GMDS: variants seen among roughly 807,000 people sequenced by gnomAD.
GMDS encodes the protein GDP-mannose 4,6 dehydratase.
A neutral mutation model predicts 49.9 loss-of-function variants in GMDS; 20 were observed. That is an observed-to-expected ratio of 0.40 (90% CI 0.28 to 0.58). The LOEUF is 0.58. Among genes scored for constraint, GMDS ranks in the 20% least tolerant of loss-of-function variants. The probability of loss-of-function intolerance (pLI) is 0.42; values close to 1 mark genes in which losing one functional copy is unlikely to be tolerated. For missense variants in GMDS, 362 were observed against 481.4 expected, an observed-to-expected ratio of 0.75 and a Z score of 2.32; for synonymous variants, 177 against 178.6, an observed-to-expected ratio of 0.99 and a Z score of 0.07.
chr6:1,701,799 G>A (rs1026812676), intron 9 of GMDS, among the ~76,000 whole-genome samples: 1 of 151,930 alleles, frequency 6.6e-6, no homozygotes, highest in African/African-American at 2.4e-5. Flanking sequence ...GCCTATTTCT[G>A]TAAGTTTAAA....
intron 4 of GMDS, among the ~76,000 whole-genome samples, chr6:2,002,002 C>G (rs1303334340): frequency 6.6e-6 from 1 of 152,126 alleles, no homozygotes; most frequent in Non-Finnish European, 1.5e-5. Flanking sequence ...TTTGCTTCAT[C>G]AATTTGCTGG....
chr6:2,126,477 G>A (rs1283785376), intron 1 of GMDS, among the ~76,000 whole-genome samples: 1 of 152,124 alleles, frequency 6.6e-6, no homozygotes, highest in Non-Finnish European at 1.5e-5. Context: ...ACCAAAAGCT[G>A]GAATTGGAAA....
intron 4 of GMDS, among the ~76,000 whole-genome samples, chr6:1,968,953 A>T (rs1428066657): frequency 6.6e-6 from 1 of 152,026 alleles, no homozygotes; most frequent in African/African-American, 2.4e-5. Flanking sequence ...CCACGTGAAG[A>T]GAAAGTTCAT....
chr6:2,170,377 A>T (rs1170036907), intron 1 of GMDS, among the ~76,000 whole-genome samples: 1 of 152,084 alleles, frequency 6.6e-6, no homozygotes, highest in Non-Finnish European at 1.5e-5. Context: ...TATAATCTAA[A>T]CATTTTGGAA....
intron 1 of GMDS, among the ~76,000 whole-genome samples, chr6:2,219,287 C>G (rs560234607): frequency 1.3e-5 from 2 of 152,154 alleles, no homozygotes; most frequent in East Asian, 3.9e-4. Context: ...TAAATAGAAG[C>G]CAGATGATAG....
At chr6:1,677,039 G>A (rs1251457345) in intron 9 of GMDS, among the ~76,000 whole-genome samples, 1 of 152,126 alleles carries the variant, frequency 6.6e-6, no homozygotes, top group East Asian at 1.9e-4. Context: ...ATCTGACAAA[G>A]GGCTAATATA....
chr6:1,756,107 G>C (rs1238175179), intron 7 of GMDS, among the ~76,000 whole-genome samples: 3 of 152,140 alleles, frequency 2.0e-5, no homozygotes, highest in African/African-American at 7.2e-5. Context: ...GATATGAACA[G>C]AATTACCATA....
At chr6:1,908,605 T>C (rs1225447869) in intron 7 of GMDS, among the ~76,000 whole-genome samples, 2 of 152,238 alleles carry the variant, frequency 1.3e-5, no homozygotes, top group African/African-American at 4.8e-5. Context: ...TGCATCACTC[T>C]ACTCAGCCAT....
chr6:1,657,204 C>T (rs530493999), intron 9 of GMDS, among the ~76,000 whole-genome samples: 24 of 152,344 alleles, frequency 1.6e-4, no homozygotes, highest in Non-Finnish European at 2.8e-4. Context: ...AAGTCCCTGA[C>T]GATGTGTCAT....
At chr6:2,110,539 A>G (rs1038752842) in intron 4 of GMDS, among the ~76,000 whole-genome samples, 3 of 151,720 alleles carry the variant, frequency 2.0e-5, no homozygotes, top group South Asian at 2.1e-4. Flanking sequence ...CTCACAGTCA[A>G]CTCTGCCTCC....
chr6:1,669,201 T>C (rs1764335774), intron 9 of GMDS, among the ~76,000 whole-genome samples: 1 of 152,138 alleles, frequency 6.6e-6, no homozygotes, highest in African/African-American at 2.4e-5. Context: ...CAAAGCAGGG[T>C]TGGGCAGGCT....
chr6:2,087,805 A>C (rs1187031422), intron 4 of GMDS, among the ~76,000 whole-genome samples: 3 of 152,186 alleles, frequency 2.0e-5, no homozygotes, highest in African/African-American at 7.2e-5. Context: ...ACATCAAAGA[A>C]GTTTTTAGTT....
chr6:2,046,713 GGCCTCCC>G (rs547127916), intron 4 of GMDS, among the ~76,000 whole-genome samples: 3,664 of 152,204 alleles, frequency 0.024, 147 homozygotes, highest in African/African-American at 0.082. Flanking sequence ...CCACCTGCCT[GGCCTCCC>G]AGTGTGCTGG....
At chr6:1,989,210 A>G (rs2127359752) in intron 4 of GMDS, among the ~76,000 whole-genome samples, 1 of 152,370 alleles carries the variant, frequency 6.6e-6, no homozygotes. Context: ...TTTAAGGCCA[A>G]GAAAAGAAGT....
intron 1 of GMDS, among the ~76,000 whole-genome samples, chr6:2,242,744 G>A (rs571545296): frequency 6.6e-6 from 1 of 152,210 alleles, no homozygotes; most frequent in Admixed American, 6.5e-5. Flanking sequence ...ACGACCTCAG[G>A]GAACATATTT....
At chr6:1,823,546 G>C (rs995203471) in intron 7 of GMDS, among the ~76,000 whole-genome samples, 6 of 152,128 alleles carry the variant, frequency 3.9e-5, no homozygotes, top group African/African-American at 1.4e-4. Context: ...TCTTCCTCCT[G>C]CATGTGTCCT....
chr6:2,169,734 G>C (rs1399332585), intron 1 of GMDS, among the ~76,000 whole-genome samples: 1 of 151,974 alleles, frequency 6.6e-6, no homozygotes, highest in Non-Finnish European at 1.5e-5. Flanking sequence ...ATATTTGCCA[G>C]GATCTGAGAC....
chr6:1,881,526 G>C (rs531282685), intron 7 of GMDS, among the ~76,000 whole-genome samples: 143 of 152,354 alleles, frequency 9.4e-4, no homozygotes, highest in Non-Finnish European at 1.7e-3. Context: ...CCTTGTAAGA[G>C]CATTACTGAT....
At chr6:2,207,692 C>T (rs1198171079) in intron 1 of GMDS, among the ~76,000 whole-genome samples, 2 of 151,934 alleles carry the variant, frequency 1.3e-5, no homozygotes, top group Non-Finnish European at 2.9e-5. Context: ...AATACTACCC[C>T]TAAGAGCAAT....
Sources: gnomAD v4.1 joint callset for allele counts (sites outside exome capture counted in the v4.1 genomes callset) on GRCh38, gnomAD v4.1.1 for gene constraint, MANE v1.5 for transcripts, NCBI Gene and HGNC (gene_info 2026-07-23, HGNC 2026-07-21) for gene names.